The following SV2B variants were observed in gnomAD, a reference collection of about 807,000 sequenced individuals.
SV2B encodes the protein synaptic vesicle glycoprotein 2B.
SV2B carries 41 observed loss-of-function variants against 73.9 expected under a neutral mutation model. That is an observed-to-expected ratio of 0.56 (90% CI 0.43 to 0.72). SV2B has a LOEUF of 0.72. SV2B is among the 30% of genes least tolerant of loss of function. SV2B has a pLI of 0.00. For missense variants in SV2B, 764 were observed against 857.8 expected, an observed-to-expected ratio of 0.89 and a Z score of 1.37; for synonymous variants, 314 against 314.2, an observed-to-expected ratio of 1.00 and a Z score of 0.01.
In SV2B at chr15:91,123,553, T is replaced by G. The variant is rs2042396899; in HGVS notation, c.-392+23190T>G. Among the ~76,000 whole-genome samples the G allele has an allele frequency of 6.6e-6, 1 of 152,148 alleles. No individual in the cohort carries two copies. The highest frequency in any genetic ancestry group is 1.5e-5 in the Non-Finnish European group (1 of 68,030). On this transcript the variant is annotated intron_variant, in intron 1 of 12. Coordinates refer to ENST00000394232, the MANE Select transcript of SV2B (RefSeq NM_001323032.3). The surrounding 1 kb of genome is among the most constrained non-coding windows in gnomAD (Gnocchi z 4.7). ...AGAACTTAGGGAGACGGGATCTGGT[T>G]CCATTCATGCAGTAAAAACTCCAAA...
Position 91,302,360 on chromosome 15 carries a change from G to A in SV2B, c.*9808G>A, listed in dbSNP as rs944850002. ...TTTAAAACTTTAGTAACCTGATGAT[G>A]GAGAGATCTGGGGGGTGCAGAGGAG... On this transcript the variant is annotated 3_prime_UTR_variant, in exon 13 of 13. Coordinates refer to ENST00000394232, the MANE Select transcript of SV2B (RefSeq NM_001323032.3). 6.6e-6 allele frequency among the ~76,000 whole-genome samples: 1 copy of A among 152,166 alleles called. No individual in the cohort carries two copies. The highest frequency in any genetic ancestry group is 6.5e-5 in the Admixed American group (1 of 15,270).
chr15:91,163,659 C>T (rs890130339), intron 1 of SV2B, among the ~76,000 whole-genome samples: 3 of 152,126 alleles, frequency 2.0e-5, no homozygotes, highest in Non-Finnish European at 4.4e-5. Flanking sequence ...AGATTCTGGA[C>T]ATTAGCCCTT....
At position 91,267,655 on chromosome 15, in the gene SV2B, C is replaced by T. The variant is rs1421697210; in HGVS notation, c.1208+12C>T. ...GCCATGGCATTCAGGTAAGTTCTGT[C>T]TTACTTAAATTTCGTAATTCCCTGT... On this transcript the variant is annotated intron_variant, in intron 8 of 12. Transcript: ENST00000394232. This position sits in a 1 kb window ranked among gnomAD's most constrained non-coding sequence, Gnocchi z 4.3. 1.9e-6 allele frequency: 3 copies of T among 1,605,868 alleles called. No homozygotes were observed. Among genetic ancestry groups the T allele is most frequent in the Non-Finnish European group, 2.6e-6 (3 of 1,174,842 alleles).
intron 1 of SV2B, among the ~76,000 whole-genome samples, chr15:91,175,888 CT>C (rs1567315479): frequency 3.3e-5 from 5 of 150,966 alleles, no homozygotes; most frequent in Admixed American, 1.3e-4. Flanking sequence ...TTAGTATTTT[CT>C]TTTTTTATTA....
rs1409727790 is a variant in SV2B at position 91,137,048 on chromosome 15, T to C, written c.-392+36685T>C. On this transcript the variant is annotated intron_variant, in intron 1 of 12. Transcript: ENST00000394232. This position sits in a 1 kb window ranked among gnomAD's most constrained non-coding sequence, Gnocchi z 4.9. ...TGTGATTTTTAGGGAAGAGTATGAATGATGCAACTTGTAAACCAGTTATTG... is the reference window on the plus strand; with the variant it reads ...TGTGATTTTTAGGGAAGAGTATGAACGATGCAACTTGTAAACCAGTTATTG... Among the ~76,000 whole-genome samples, 1 of 152,100 alleles carries C rather than the reference T, an allele frequency of 6.6e-6. No individual in the cohort carries two copies. Among genetic ancestry groups the C allele is most frequent in the African/African-American group, 2.4e-5 (1 of 41,408 alleles).
In SV2B at chr15:91,106,449, A is replaced by T. The variant is rs1456566967; in HGVS notation, c.-392+6086A>T. On this transcript the variant is annotated intron_variant, in intron 1 of 12. Transcript: ENST00000394232. This position sits in a 1 kb window ranked among gnomAD's most constrained non-coding sequence, Gnocchi z 4.4. ...AATGAGTGAATGGAACCACTTACTT[A>T]CTAGAGTTGACTGCAAATCTTTGCT... 1.3e-5 allele frequency among the ~76,000 whole-genome samples: 2 copies of T among 152,184 alleles called. No individual in the cohort carries two copies. Among genetic ancestry groups the T allele is most frequent in the African/African-American group, 4.8e-5 (2 of 41,436 alleles).
chr15:91,188,776 A>G (rs975393770), intron 1 of SV2B, among the ~76,000 whole-genome samples: 8 of 152,128 alleles, frequency 5.3e-5, no homozygotes, highest in Non-Finnish European at 1.0e-4. Flanking sequence ...GTAGCTTCTA[A>G]TACTAAGTTC....
chr15:91,117,572 C>T (rs1477639791), intron 1 of SV2B, among the ~76,000 whole-genome samples: 1 of 152,254 alleles, frequency 6.6e-6, no homozygotes, highest in East Asian at 1.9e-4. Context: ...ATGCTACCAG[C>T]AGCTACCAGG....
Position 91,283,978 on chromosome 15 carries a change from T to C in SV2B, c.1508-43T>C. ...CTGCCTCTGCCTTTCTCTCTCCAGCTCCCTTCCACTTACATGAACCGAAGG... is the reference window on the plus strand; with the variant it reads ...CTGCCTCTGCCTTTCTCTCTCCAGCCCCCTTCCACTTACATGAACCGAAGG... On this transcript the variant is annotated intron_variant, in intron 10 of 12. Transcript: ENST00000394232. This position sits in a 1 kb window ranked among gnomAD's most constrained non-coding sequence, Gnocchi z 4.3. The C allele has an allele frequency of 6.2e-7, 1 of 1,603,992 alleles. No individual in the cohort carries two copies. The highest frequency in any genetic ancestry group is 8.5e-7 in the Non-Finnish European group (1 of 1,171,382).
intron 2 of SV2B, among the ~76,000 whole-genome samples, chr15:91,243,252 G>T (rs1438685781): frequency 6.6e-6 from 1 of 152,172 alleles, no homozygotes; most frequent in Admixed American, 6.5e-5. Context: ...GCTATCAGAG[G>T]TGTCATACCT....
At chr15:91,260,203 C>T (rs1016396432) in intron 5 of SV2B, 117 bp from the exon 6 acceptor site, 1 of 872,888 alleles carries the variant, frequency 1.1e-6, no homozygotes, top group African/African-American at 1.7e-5. Context: ...TTGCCTCAGA[C>T]CTGCTAGGAA....
At chr15:91,185,514 A>G (rs1008840430) in intron 1 of SV2B, among the ~76,000 whole-genome samples, 10 of 152,142 alleles carry the variant, frequency 6.6e-5, no homozygotes, top group African/African-American at 2.4e-4. Flanking sequence ...ACTCATAGCT[A>G]TATTAGAAGA....
Position 91,178,296 on chromosome 15 carries a change from G to A in SV2B, c.-391-47577G>A, listed in dbSNP as rs1423059908. Among the ~76,000 whole-genome samples the A allele has an allele frequency of 9.9e-5, 15 of 151,044 alleles. 1 individual carries two copies. In the East Asian group the frequency reaches 1.5e-3, roughly 16 times the overall value. On this transcript the variant is annotated intron_variant, in intron 1 of 12. Coordinates refer to ENST00000394232, the MANE Select transcript of SV2B (RefSeq NM_001323032.3). ...ATGTGCTGCTGGATTCGGTTTGCCAGTATTTTATTGAGGATTTTTGCATCA... is the reference window on the plus strand; with the variant it reads ...ATGTGCTGCTGGATTCGGTTTGCCAATATTTTATTGAGGATTTTTGCATCA...
At position 91,240,385 on chromosome 15, in the gene SV2B, G is replaced by A. The variant is rs1479880659; in HGVS notation, c.452-11434G>A. On this transcript the variant is annotated intron_variant, in intron 2 of 12. Transcript: ENST00000394232. The surrounding 1 kb of genome is among the most constrained non-coding windows in gnomAD (Gnocchi z 4.6). ...AGTAAGGATCCAGTAAATATGAGCT[G>A]GTATTTGTATATTTTTAACTTTTCA... Among the ~76,000 whole-genome samples, 1 of 151,742 alleles carries A rather than the reference G, an allele frequency of 6.6e-6. No individual in the cohort carries two copies. The highest frequency in any genetic ancestry group is 2.4e-5 in the African/African-American group (1 of 41,130).
intron 11 of SV2B, among the ~76,000 whole-genome samples, chr15:91,286,095 C>T (rs16945516): frequency 0.028 from 4,323 of 152,252 alleles, 220 homozygotes; most frequent in African/African-American, 0.099. Flanking sequence ...TTTGTTTCTG[C>T]GCTAGAGGCA....
rs534495809 is a variant in SV2B, at chr15:91,139,465, T to C, written c.-392+39102T>C. ...TTGAGCTAAAACCAGAGCTGGGAAA[T>C]GGAGGCAGGGAGAGGTGTACAAGTA... On this transcript the variant is annotated intron_variant, in intron 1 of 12. Transcript: ENST00000394232. This position sits in a 1 kb window ranked among gnomAD's most constrained non-coding sequence, Gnocchi z 5.2. 5.3e-5 allele frequency among the ~76,000 whole-genome samples: 8 copies of C among 151,896 alleles called. No individual in the cohort carries two copies. Among genetic ancestry groups the C allele is most frequent in the Middle Eastern group, 3.4e-3 (1 of 294 alleles).
rs1207820718 is a variant in SV2B, at chr15:91,121,968, G to A, written c.-392+21605G>A. On this transcript the variant is annotated intron_variant, in intron 1 of 12. Coordinates refer to ENST00000394232, the MANE Select transcript of SV2B (RefSeq NM_001323032.3). This position sits in a 1 kb window ranked among gnomAD's most constrained non-coding sequence, Gnocchi z 4.4. ...TTTTTGTATTTTTAGTAGAGACGGGGTTTCACCATGTTAGCCAGGATGGTC... is the reference window on the plus strand; with the variant it reads ...TTTTTGTATTTTTAGTAGAGACGGGATTTCACCATGTTAGCCAGGATGGTC... Among the ~76,000 whole-genome samples, 1 of 152,046 alleles carries A rather than the reference G, an allele frequency of 6.6e-6. No homozygotes were observed. The highest frequency in any genetic ancestry group is 1.9e-4 in the East Asian group (1 of 5,182).
chr15:91,299,515 A>G lies in SV2B; in HGVS notation c.*6963A>G, dbSNP rs905112797. The G allele has an allele frequency of 6.6e-6, 1 of 152,262 alleles. No homozygotes were observed. Among genetic ancestry groups the G allele is most frequent in the African/African-American group, 2.4e-5 (1 of 41,462 alleles). The allele number at this position is 152,262 out of a possible 1,614,324, so 9.4% of individuals were successfully genotyped here. A position where few individuals can be genotyped will look rare whatever the true frequency, so the allele number is the denominator to read the frequency against. On this transcript the variant is annotated 3_prime_UTR_variant, in exon 13 of 13. Coordinates refer to ENST00000394232, the MANE Select transcript of SV2B (RefSeq NM_001323032.3). The stretch of plus-strand genomic sequence containing the variant: ...AGATTTGCAATCAGAACATTGGTAG[A>G]GTGCATTGCTGAGTTATAACAAGTG...
intron 1 of SV2B, among the ~76,000 whole-genome samples, chr15:91,148,985 C>G (rs1465072408): frequency 6.6e-6 from 1 of 152,216 alleles, no homozygotes; most frequent in Non-Finnish European, 1.5e-5. Context: ...TAATATTTAA[C>G]CAAATATCTG....
Sources: gnomAD v4.1 joint callset for allele counts (sites outside exome capture counted in the v4.1 genomes callset) on GRCh38, gnomAD v4.1.1 for gene constraint, Gnocchi (gnomAD v3.1) non-coding constraint, MANE v1.5 for transcripts, NCBI Gene and HGNC (gene_info 2026-07-23, HGNC 2026-07-21) for gene names.